The following MACF1 variants were observed in gnomAD, a reference collection of about 807,000 sequenced individuals.
MACF1 encodes microtubule-actin cross-linking factor 1.
Under a neutral mutation model 854.8 loss-of-function variants are expected in MACF1, and 193 were observed. The ratio of observed to expected loss-of-function variants is 0.23; its 90% CI spans 0.20 to 0.25. The LOEUF is 0.25. Among genes scored for constraint, MACF1 ranks in the 10% least tolerant of loss-of-function variants. The pLI is 1.00. For synonymous variants in MACF1, 3,185 were observed against 3,226.7 expected (o/e 0.99, Z 0.44); for missense variants, 7,722 against 8,929.1 (o/e 0.86, Z 5.45).
At chr1:39,347,237 A>T in intron 41 of MACF1, 27 bp downstream of exon 41, 1 of 1,543,786 alleles carries the variant, frequency 6.5e-7, no homozygotes, top group Non-Finnish European at 8.9e-7. Flanking sequence ...AGCTGGGCTC[A>T]GTTTGTCTTT....
intron 2 of MACF1, among the ~76,000 whole-genome samples, chr1:39,106,619 A>G (rs1642246038): frequency 6.6e-6 from 1 of 152,100 alleles, no homozygotes. Context: ...CAGAAACGAC[A>G]CAGGCAGCAC....
chr1:39,468,458 C>T, intron 95 of MACF1, 157 bp from the exon 96 acceptor site: 1 of 583,086 alleles, frequency 1.7e-6, no homozygotes, highest in Admixed American at 3.2e-5. Context: ...TTTTAAAATC[C>T]TTTTGTGAAA....
At chr1:39,374,638 A>G (rs1003962677) in intron 52 of MACF1, among the ~76,000 whole-genome samples, 23 of 152,198 alleles carry the variant, frequency 1.5e-4, no homozygotes, top group African/African-American at 5.1e-4. Flanking sequence ...AAGACAATAC[A>G]TTAATAGAAA....
chr1:39,204,020 T>C (rs1268034565), upstream of MACF1, among the ~76,000 whole-genome samples: 1 of 152,208 alleles, frequency 6.6e-6, no homozygotes, highest in Non-Finnish European at 1.5e-5. Flanking sequence ...ATGCCTGTAA[T>C]CCCAGCACCT....
At position 39,460,530 on chromosome 1, in the gene MACF1, G is replaced by A. The variant is rs571826954; in HGVS notation, c.21361-102G>A. The A allele has an allele frequency of 4.0e-6, 4 of 990,022 alleles. No homozygotes were observed. In the East Asian group the frequency reaches 9.6e-5, roughly 24 times the overall value. 61.3% of individuals were successfully genotyped at this position (990,022 alleles called of 1,614,324 possible). On this transcript the variant is annotated intron_variant, in intron 91 of 100. Transcript: ENST00000564288. The surrounding 1 kb of genome is among the most constrained non-coding windows in gnomAD (Gnocchi z 4.1). ...ATAGATTTCATTGTTGATGGCCCCT[G>A]GAAGCATGGCTTTACTGAATGTCTG...
rs957244535 is a variant in MACF1, at chr1:39,292,785, T to C, written c.1934T>C (p.Phe645Ser). ...RLYEGKMSQNFHTSYAETLGK... is the reference protein window; with the variant it reads ...RLYEGKMSQNSHTSYAETLGK... The stretch of plus-strand genomic sequence containing the variant: ...AATCAGGGAAAGATGTCCCAGAATT[T>C]CCATACCAGCTATGCTGAAACTCTT... The change falls in exon 17 of 101, where the codon TTC (phenylalanine) becomes TCC (serine). Residue 645 changes from phenylalanine to serine, a missense_variant. This residue lies in a region of MACF1 where 1,137 missense variants were observed against 1,263.0 expected (regional missense o/e 0.90). Transcript: ENST00000564288. 1 of 1,611,930 alleles carries C rather than the reference T, an allele frequency of 6.2e-7. No homozygotes were observed. The highest frequency in any genetic ancestry group is 1.7e-5 in the Admixed American group (1 of 59,670).
rs1341608967 is a variant in MACF1 at position 39,318,609 on chromosome 1, G to A, written c.3939G>A (p.Gln1313=). 1 of 1,610,454 alleles carries A rather than the reference G, an allele frequency of 6.2e-7. No homozygotes were observed. The highest frequency in any genetic ancestry group is 8.5e-7 in the Non-Finnish European group (1 of 1,178,450). The change falls in exon 30 of 101, where the codon CAG becomes CAA. Residue 1313 remains glutamine, a synonymous_variant. Transcript: ENST00000564288. Reference sequence around the variant, plus strand: ...GAGTGCTTTCGGAGCAGCTCAGCCAGCAGACGGTGAGTGTGGTAGTAGCTC... The same window carrying A: ...GAGTGCTTTCGGAGCAGCTCAGCCAACAGACGGTGAGTGTGGTAGTAGCTC... The part of the protein sequence containing the change: ...DSRVLSEQLS[Q]QTALFAEIER...
intron 40 of MACF1, among the ~76,000 whole-genome samples, chr1:39,343,451 T>C (rs1188082352): frequency 6.6e-6 from 1 of 152,248 alleles, no homozygotes; most frequent in African/African-American, 2.4e-5. Flanking sequence ...AGTTTCAGAC[T>C]TTATTCAGCC....
intron 2 of MACF1, among the ~76,000 whole-genome samples, chr1:39,153,525 T>TA (rs1248614375): frequency 6.6e-6 from 1 of 152,224 alleles, no homozygotes; most frequent in Non-Finnish European, 1.5e-5. Context: ...CGAGGGTCTG[T>TA]AGCCTAAAGC....
chr1:39,115,458 TGAACTAAAATAGA>T, intron 2 of MACF1, among the ~76,000 whole-genome samples: 1 of 152,232 alleles, frequency 6.6e-6, no homozygotes, highest in East Asian at 1.9e-4. Flanking sequence ...GGTCGTGTCA[TGAACTAAAATAGA>T]GAATATAAGA....
At chr1:39,458,589 A>G in intron 90 of MACF1, 99 bp downstream of exon 90, 1 of 1,444,558 alleles carries the variant, frequency 6.9e-7, no homozygotes, top group Non-Finnish European at 9.2e-7. Flanking sequence ...TCCATTTTCA[A>G]AAACCGTGTT....
At chr1:39,305,250 G>T (rs1646145523) in intron 23 of MACF1, among the ~76,000 whole-genome samples, 1 of 142,544 alleles carries the variant, frequency 7.0e-6, no homozygotes, top group African/African-American at 2.6e-5. Flanking sequence ...GACAGAGTGA[G>T]ACTCTGTCTC....
intron 26 of MACF1, among the ~76,000 whole-genome samples, chr1:39,313,662 T>C (rs1343748496): frequency 6.6e-6 from 1 of 152,178 alleles, no homozygotes. Context: ...TTTGTTACTG[T>C]CATTGTTTTC....
intron 40 of MACF1, among the ~76,000 whole-genome samples, chr1:39,342,560 A>G (rs1335964350): frequency 1.5e-5 from 2 of 136,718 alleles, no homozygotes; most frequent in East Asian, 4.1e-4. Flanking sequence ...TTTGTGTGAC[A>G]GAGTCTCTCT....
chr1:39,177,665 T>C (rs1644048956), intron 2 of MACF1, among the ~76,000 whole-genome samples: 1 of 151,848 alleles, frequency 6.6e-6, no homozygotes, highest in African/African-American at 2.4e-5. Flanking sequence ...TAGTTTCTGA[T>C]TGGCATTGAT....
chr1:39,340,155 C>T (rs1367162686), intron 38 of MACF1, among the ~76,000 whole-genome samples: 1 of 152,196 alleles, frequency 6.6e-6, no homozygotes, highest in Admixed American at 6.5e-5. Context: ...ATGACACTCT[C>T]AGAGAGGCAG....
At chr1:39,237,203 C>T (rs1247124886) in intron 2 of MACF1, among the ~76,000 whole-genome samples, 2 of 152,232 alleles carry the variant, frequency 1.3e-5, no homozygotes, top group Non-Finnish European at 2.9e-5. Context: ...GTCCCAGCCT[C>T]CTCTGCCTGA....
intron 11 of MACF1, among the ~76,000 whole-genome samples, 168 bp downstream of exon 11, chr1:39,284,596 A>G (rs1645609527): frequency 6.6e-6 from 1 of 152,212 alleles, no homozygotes; most frequent in African/African-American, 2.4e-5. Flanking sequence ...TGTTGTGGTA[A>G]AGGGGCAATG....
chr1:39,326,479 G>A lies in MACF1; in HGVS notation c.4479-739G>A, dbSNP rs1487097267. Among the ~76,000 whole-genome samples the A allele has an allele frequency of 7.2e-5, 11 of 152,048 alleles. No homozygotes were observed. The South Asian group carries it at 8.3e-4, about 11-fold the overall frequency. On this transcript the variant is annotated intron_variant, in intron 35 of 100. Coordinates refer to ENST00000564288, the MANE Select transcript of MACF1 (RefSeq NM_001394062.1). ...GCAAATCACCTGAGGTCAGGAGTTC[G>A]AGACCAGCCTGGCCAGCATGGTGAA...
Sources: allele counts gnomAD v4.1 joint callset (sites outside exome capture counted in the v4.1 genomes callset), GRCh38; gene constraint gnomAD v4.1.1; regional missense constraint gnomAD v4.1.1; non-coding constraint Gnocchi (gnomAD v3.1); transcripts MANE v1.5; gene names NCBI Gene and HGNC (gene_info 2026-07-23, HGNC 2026-07-21).